The following SLCO1A2 variants were observed in gnomAD, a reference collection of about 807,000 sequenced individuals.
SLCO1A2 encodes OATP-1.
In SLCO1A2, 67 loss-of-function variants were observed where a neutral mutation model predicts 69.0. That is an observed-to-expected ratio of 0.97 (90% CI 0.80 to 1.19). The LOEUF (loss-of-function observed/expected upper bound fraction) is 1.19, where lower values mean the gene tolerates loss of function less well. SLCO1A2 is among the 50% of genes most tolerant of loss of function. SLCO1A2 has a pLI of 0.00. For missense variants in SLCO1A2, 787 were observed against 793.7 expected, an observed-to-expected ratio of 0.99 and a Z score of 0.10; for synonymous variants, 260 against 265.9, an observed-to-expected ratio of 0.98 and a Z score of 0.22.
chr12:21,300,594 A>G (rs774570550), intron 7 of SLCO1A2, 25 bp from the exon 8 acceptor site: 1 of 1,534,646 alleles, frequency 6.5e-7, no homozygotes, highest in Non-Finnish European at 8.9e-7. Context: ...ACACACTGTT[A>G]TTAGCTTAAG....
intron 2 of SLCO1A2, among the ~76,000 whole-genome samples, chr12:21,323,031 G>A (rs765570289): frequency 1.3e-5 from 2 of 152,112 alleles, no homozygotes; most frequent in African/African-American, 4.8e-5. Flanking sequence ...AGAGTCAAAA[G>A]ACTTATAGCA....
At chr12:21,281,465 GA>G (rs956569981) in intron 12 of SLCO1A2, among the ~76,000 whole-genome samples, 2 of 149,200 alleles carry the variant, frequency 1.3e-5, no homozygotes, top group Non-Finnish European at 1.5e-5. Context: ...AAAAAGAAAA[GA>G]AAAAAAACCA....
intron 12 of SLCO1A2, among the ~76,000 whole-genome samples, chr12:21,277,114 T>C (rs1943999810): frequency 6.6e-6 from 1 of 152,086 alleles, no homozygotes; most frequent in East Asian, 1.9e-4. Context: ...GCAGCACAGC[T>C]TGTGGCTCCA....
intron 1 of SLCO1A2, among the ~76,000 whole-genome samples, chr12:21,386,622 A>G (rs1940894648): frequency 6.6e-6 from 1 of 152,082 alleles, no homozygotes; most frequent in African/African-American, 2.4e-5. Flanking sequence ...TGGCCCCCCC[A>G]GCCATGTGGA....
chr12:21,325,096 T>C (rs530845309), intron 2 of SLCO1A2, among the ~76,000 whole-genome samples: 5 of 152,286 alleles, frequency 3.3e-5, no homozygotes, highest in African/African-American at 1.2e-4. Flanking sequence ...CCCTAATAAA[T>C]GCTCCACAAA....
At chr12:21,362,196 G>T (rs12830157) in intron 2 of SLCO1A2, among the ~76,000 whole-genome samples, 2 of 151,670 alleles carry the variant, frequency 1.3e-5, no homozygotes, top group African/African-American at 4.8e-5. Flanking sequence ...CAGTGAGCGG[G>T]TCTCTCGGCA....
chr12:21,387,361 C>CTGGGAGG (rs1392999995), intron 1 of SLCO1A2, among the ~76,000 whole-genome samples: 1 of 152,168 alleles, frequency 6.6e-6, no homozygotes, highest in Admixed American at 6.5e-5. Flanking sequence ...CCATCCCAGG[C>CTGGGAGG]CCTGAGGCCT....
intron 2 of SLCO1A2, among the ~76,000 whole-genome samples, chr12:21,350,656 G>A (rs1297766832): frequency 6.6e-6 from 1 of 151,752 alleles, no homozygotes; most frequent in Non-Finnish European, 1.5e-5. Flanking sequence ...CCAACATGGT[G>A]AAACCCCGTC....
upstream of SLCO1A2, among the ~76,000 whole-genome samples, chr12:21,339,120 ACT>A (rs1952985031): frequency 6.6e-6 from 1 of 151,928 alleles, no homozygotes; most frequent in Admixed American, 6.6e-5. Context: ...TAAAATAGTC[ACT>A]CTGTCAATGA....
chr12:21,289,814 G>A (rs1213189517), intron 12 of SLCO1A2, among the ~76,000 whole-genome samples: 1 of 151,558 alleles, frequency 6.6e-6, no homozygotes, highest in Non-Finnish European at 1.5e-5. Flanking sequence ...GACATCTAAA[G>A]TGGGGGCAGT....
chr12:21,414,378 G>C (rs1475996701), intron 1 of SLCO1A2, among the ~76,000 whole-genome samples: 1 of 151,124 alleles, frequency 6.6e-6, no homozygotes, highest in Non-Finnish European at 1.5e-5. Context: ...TTATAATTTA[G>C]TTCTAGATAA....
At chr12:21,303,182 T>C (rs992276011) in intron 6 of SLCO1A2, among the ~76,000 whole-genome samples, 1 of 152,162 alleles carries the variant, frequency 6.6e-6, no homozygotes, top group Admixed American at 6.6e-5. Context: ...TATGTAGTTC[T>C]TTATTTACTA....
At position 21,318,676 on chromosome 12, in the gene SLCO1A2, G is replaced by A. The variant is rs375074447; in HGVS notation, c.202+106C>T. 61 of 884,008 alleles carry A rather than the reference G, an allele frequency of 6.9e-5. 1 individual carries two copies. Among genetic ancestry groups the A allele is most frequent in the African/African-American group, 4.5e-4 (26 of 58,296 alleles). The allele number at this position is 884,008 out of a possible 1,614,324, so 54.8% of individuals were successfully genotyped here. On this transcript the variant is annotated intron_variant, in intron 3 of 14. Coordinates refer to ENST00000683939, the MANE Select transcript of SLCO1A2 (RefSeq NM_001386879.1). Reference sequence around the variant, plus strand: ...GTTAGTTTTAGAAAACTTATAACTCGGTCAGATTAAATGACCTAAAACAGC... The same window carrying A: ...GTTAGTTTTAGAAAACTTATAACTCAGTCAGATTAAATGACCTAAAACAGC...
chr12:21,361,863 T>C (rs1270241814), intron 2 of SLCO1A2, among the ~76,000 whole-genome samples: 1 of 151,876 alleles, frequency 6.6e-6, no homozygotes, highest in African/African-American at 2.4e-5. Flanking sequence ...TAAAAAGAAA[T>C]GAACAAAGCC....
At chr12:21,351,963 G>A (rs1370081741) in intron 2 of SLCO1A2, among the ~76,000 whole-genome samples, 1 of 151,984 alleles carries the variant, frequency 6.6e-6, no homozygotes, top group African/African-American at 2.4e-5. Flanking sequence ...CTTTGAAATT[G>A]CCCTTAGGAG....
At chr12:21,280,712 T>C (rs960414962) in intron 12 of SLCO1A2, among the ~76,000 whole-genome samples, 2 of 149,684 alleles carry the variant, frequency 1.3e-5, no homozygotes, top group African/African-American at 2.5e-5. Context: ...CAAAGAAACA[T>C]TGGATTTCAT....
rs1160930401 is a variant in SLCO1A2 at position 21,297,495 on chromosome 12, C to A, written c.984G>T (p.Gln328His). Residue 328 changes from glutamine to histidine, a missense_variant, in exon 9 of 15, where the codon CAG becomes CAT. Transcript: ENST00000683939. ...YMLFILVSVI[Q>H]FNAFVNMISF... is the part of the protein sequence containing the mutation. ...AGATCATGTTAACGAATGCATTGAA[C>A]TGTATCACACTTACAAGTATGAAAA... The A allele has an allele frequency of 6.2e-7, 1 of 1,609,110 alleles. No homozygotes were observed. The highest frequency in any genetic ancestry group is 1.1e-5 in the South Asian group (1 of 90,576).
chr12:21,354,769 G>A (rs572182218), intron 2 of SLCO1A2, among the ~76,000 whole-genome samples: 2 of 152,010 alleles, frequency 1.3e-5, no homozygotes, highest in East Asian at 1.9e-4. Context: ...TTCTTTCTTT[G>A]AATTTTTTCT....
chr12:21,335,975 T>C (rs1467707392), upstream of SLCO1A2, among the ~76,000 whole-genome samples: 4 of 152,096 alleles, frequency 2.6e-5, no homozygotes, highest in African/African-American at 7.2e-5. Context: ...TAAACTTTCA[T>C]TGGGAAAGAT....
Sources: gnomAD v4.1 joint callset for allele counts (sites outside exome capture counted in the v4.1 genomes callset) on GRCh38, gnomAD v4.1.1 for gene constraint, MANE v1.5 for transcripts, NCBI Gene and HGNC (gene_info 2026-07-23, HGNC 2026-07-21) for gene names.